The following FUT8 variants were observed in gnomAD, a reference collection of about 807,000 sequenced individuals.
FUT8 encodes the protein fucosyltransferase 8.
A neutral mutation model predicts 71.3 loss-of-function variants in FUT8; 29 were observed. That is an observed-to-expected ratio of 0.41 (90% confidence interval 0.30 to 0.55). FUT8 has a LOEUF of 0.55. Ranked by LOEUF, FUT8 falls within the 20% of genes least tolerant of loss-of-function variation. The probability of loss-of-function intolerance (pLI) is 0.34; values close to 1 mark genes in which losing one functional copy is unlikely to be tolerated. For missense variants in FUT8, 544 were observed against 702.1 expected (o/e 0.77, Z 2.55); for synonymous variants, 254 against 239.3 (o/e 1.06, Z -0.57).
At chr14:65,461,895 T>A (rs1214800900) in intron 2 of FUT8, among the ~76,000 whole-genome samples, 2 of 152,056 alleles carry the variant, frequency 1.3e-5, no homozygotes, top group Admixed American at 1.3e-4. Flanking sequence ...AAACAGGAAC[T>A]TGGGAGGAGG....
At chr14:65,599,674 C>A (rs372216117) in intron 3 of FUT8, among the ~76,000 whole-genome samples, 4 of 152,152 alleles carry the variant, frequency 2.6e-5, no homozygotes, top group Non-Finnish European at 5.9e-5. Context: ...AACATTTTGT[C>A]CTAAGTGTTC....
intron 3 of FUT8, among the ~76,000 whole-genome samples, chr14:65,562,328 G>A (rs1310440935): frequency 6.6e-6 from 1 of 152,034 alleles, no homozygotes; most frequent in Non-Finnish European, 1.5e-5. Flanking sequence ...TAATAACTGG[G>A]AGGCTGAGTT....
chr14:65,632,061 C>T (rs1210683630), intron 6 of FUT8, among the ~76,000 whole-genome samples: 1 of 152,168 alleles, frequency 6.6e-6, no homozygotes, highest in Non-Finnish European at 1.5e-5. Flanking sequence ...TAGTATTCCA[C>T]TCTGCATATA....
chr14:65,691,935 C>T (rs1345115980), intron 7 of FUT8, among the ~76,000 whole-genome samples: 3 of 152,216 alleles, frequency 2.0e-5, no homozygotes, highest in African/African-American at 4.8e-5. Context: ...CATAGATCAA[C>T]AGGATCCCAA....
the FUT8 span, among the ~76,000 whole-genome samples, chr14:65,387,307 C>T: frequency 6.6e-6 from 1 of 152,196 alleles, no homozygotes; most frequent in Non-Finnish European, 1.5e-5. Context: ...TTTCTGAATC[C>T]TCAACCTGAT....
chr14:65,544,482 A>G (rs1304563904), intron 2 of FUT8, among the ~76,000 whole-genome samples: 1 of 152,164 alleles, frequency 6.6e-6, no homozygotes, highest in Non-Finnish European at 1.5e-5. Flanking sequence ...AAATGGTGAT[A>G]TATATACACA....
At chr14:65,395,919 G>A in the FUT8 span, among the ~76,000 whole-genome samples, 1 of 152,158 alleles carries the variant, frequency 6.6e-6, no homozygotes, top group African/African-American at 2.4e-5. Flanking sequence ...TGAATGCTTT[G>A]CTGCTTAGAA....
chr14:65,688,646 A>G (rs1272609590), intron 7 of FUT8, among the ~76,000 whole-genome samples: 1 of 152,002 alleles, frequency 6.6e-6, no homozygotes, highest in Non-Finnish European at 1.5e-5. Flanking sequence ...TTTTTTGGCA[A>G]TTTTGAATAA....
intron 7 of FUT8, among the ~76,000 whole-genome samples, chr14:65,712,276 G>C (rs141549478): frequency 2.5e-4 from 38 of 152,230 alleles, no homozygotes; most frequent in African/African-American, 8.7e-4. Flanking sequence ...GGATTATAAA[G>C]GTGATAGAAC....
rs745555987 is a variant in FUT8 at position 65,727,695 on chromosome 14, C to T, written c.1259+3372C>T. On this transcript the variant is annotated intron_variant, in intron 9 of 10. Coordinates refer to ENST00000673929, the MANE Select transcript of FUT8 (RefSeq NM_001371533.1). ...CCCCATTGTATTGGTGATTAACACT[C>T]GGCTCCTCATGACTTACACAAGTTT... Among the ~76,000 whole-genome samples the T allele has an allele frequency of 1.2e-4, 19 of 152,276 alleles. No homozygotes were observed. In the South Asian group the frequency reaches 1.5e-3, roughly 12 times the overall value.
chr14:65,631,307 A>G (rs11849862), intron 6 of FUT8, among the ~76,000 whole-genome samples: 20,660 of 152,160 alleles, frequency 0.14, 1,814 homozygotes, highest in East Asian at 0.38. Context: ...GATAGTTCTA[A>G]ACTATGATCT....
chr14:65,444,735 A>G (rs1456196266), intron 1 of FUT8, among the ~76,000 whole-genome samples: 1 of 152,222 alleles, frequency 6.6e-6, no homozygotes, highest in Non-Finnish European at 1.5e-5. Flanking sequence ...ATAAAACTGT[A>G]GTGGTAGAGA....
At position 65,426,838 on chromosome 14, in the gene FUT8, C is replaced by A. The variant is rs571418060; in HGVS notation, c.-326+13624C>A. On this transcript the variant is annotated intron_variant, in intron 1 of 10. Coordinates refer to ENST00000673929, the MANE Select transcript of FUT8 (RefSeq NM_001371533.1). ...AATCCTGTGTGTGTGAGCATGCACA[C>A]ACACATGCACACATAACACATTTTC... Among the ~76,000 whole-genome samples, 529 of 152,240 alleles carry A rather than the reference C, an allele frequency of 3.5e-3. 2 individuals carry two copies. Among genetic ancestry groups the A allele is most frequent in the African/African-American group, 0.012 (502 of 41,566 alleles).
At chr14:65,587,525 T>G (rs1468633242) in intron 3 of FUT8, among the ~76,000 whole-genome samples, 1 of 152,196 alleles carries the variant, frequency 6.6e-6, no homozygotes, top group Non-Finnish European at 1.5e-5. Flanking sequence ...TGTGTGTGTA[T>G]AGGCTGAAAA....
At chr14:65,564,308 G>C (rs1219302622) in intron 3 of FUT8, among the ~76,000 whole-genome samples, 1 of 152,032 alleles carries the variant, frequency 6.6e-6, no homozygotes, top group Non-Finnish European at 1.5e-5. Flanking sequence ...ATATGGATTG[G>C]AGTTGGAAAG....
At chr14:65,589,695 C>G (rs12434626) in intron 3 of FUT8, among the ~76,000 whole-genome samples, 2,064 of 152,206 alleles carry the variant, frequency 0.014, 39 homozygotes, top group East Asian at 0.093. Flanking sequence ...CTGCCCGCCT[C>G]GGCCTCCCAA....
Position 65,733,342 on chromosome 14 carries a change from C to G in FUT8, c.1371C>G (p.Leu457=). Residue 457 remains leucine (L), a synonymous_variant, in exon 10 of 11, where the codon CTC becomes CTG. Transcript: ENST00000673929. ...LRGVILDIHF[L]SQADFLVCTF... is the part of the protein sequence containing the mutation. ...GAGTGATCCTGGATATACATTTTCT[C>G]TCTCAGGCAGACTTCCTAGTGTGTA... is the stretch of plus-strand genomic sequence containing the variant. 1 of 1,604,956 alleles carries G rather than the reference C, an allele frequency of 6.2e-7. No individual in the cohort carries two copies. The highest frequency in any genetic ancestry group is 8.5e-7 in the Non-Finnish European group (1 of 1,175,410).
chr14:65,409,383 G>A (rs551564128), upstream of FUT8, among the ~76,000 whole-genome samples: 14 of 152,184 alleles, frequency 9.2e-5, no homozygotes, highest in Non-Finnish European at 1.8e-4. The surrounding 1 kb of genome is among the most constrained non-coding windows in gnomAD (Gnocchi z 5.4). Context: ...ACCCCTTGCT[G>A]GAACTCCACA....
chr14:65,714,263 T>C (rs1023855348), intron 7 of FUT8, among the ~76,000 whole-genome samples: 4 of 152,172 alleles, frequency 2.6e-5, no homozygotes, highest in Admixed American at 2.0e-4. Flanking sequence ...GCTGTTTTGG[T>C]TACTATAGCT....
Sources: gnomAD v4.1 joint callset for allele counts (sites outside exome capture counted in the v4.1 genomes callset) on GRCh38, gnomAD v4.1.1 for gene constraint, Gnocchi (gnomAD v3.1) non-coding constraint, MANE v1.5 for transcripts, NCBI Gene and HGNC (gene_info 2026-07-23, HGNC 2026-07-21) for gene names.